The following F8 variants were observed in gnomAD, a reference collection of about 807,000 sequenced individuals.
F8 encodes coagulation factor VIII, also known as antihemophilic factor.
F8 carries 12 observed loss-of-function variants against 140.6 expected under a neutral mutation model. The observed-to-expected ratio is 0.09, with a 90% CI of 0.05 to 0.14. The LOEUF (loss-of-function observed/expected upper bound fraction) is 0.14. Among genes scored for constraint, F8 ranks in the 10% least tolerant of loss-of-function variants. The pLI is 1.00. For synonymous variants in F8, 585 were observed against 614.6 expected (o/e 0.95, Z 0.71); for missense variants, 1,354 against 1,720.7 (o/e 0.79, Z 3.77).
intron 14 of F8, among the ~76,000 whole-genome samples, chrX:154,921,597 C>G (rs2073130947): frequency 9.0e-6 from 1 of 111,463 alleles, no homozygotes; most frequent in Non-Finnish European, 1.9e-5. Flanking sequence ...TATTGCGGCA[C>G]TATTCACAAT....
intron 1 of F8, among the ~76,000 whole-genome samples, chrX:155,018,937 A>C (rs2073747547): frequency 1.8e-5 from 2 of 112,374 alleles, no homozygotes; most frequent in African/African-American, 6.5e-5. Flanking sequence ...TCATTTGATA[A>C]AGCCAACAAA....
intron 4 of F8, among the ~76,000 whole-genome samples, chrX:154,992,297 T>C (rs976672787): frequency 9.0e-6 from 1 of 111,029 alleles, no homozygotes; most frequent in Non-Finnish European, 1.9e-5. Context: ...AAAAGATAAA[T>C]GGAACAAGGA....
intron 21 of F8, 147 bp from the exon 22 acceptor site, chrX:154,896,379 T>C (rs1395529314): frequency 6.9e-6 from 4 of 583,586 alleles, no homozygotes; most frequent in Non-Finnish European, 1.1e-5. Context: ...GTCACCAATG[T>C]TGAAATGTGC....
chrX:154,846,075 T>A (rs1212543128), intron 25 of F8, among the ~76,000 whole-genome samples: 1 of 112,390 alleles, frequency 8.9e-6, no homozygotes, highest in African/African-American at 3.2e-5. Flanking sequence ...AGGAGCAGGT[T>A]GTTCAGTTTC....
Position 154,964,140 on chromosome X carries a change from G to T in F8, c.1443+1830C>A, listed in dbSNP as rs782737858. ...ACATGTATGCACTACTTCTGGAGGG[G>T]AGTATACAAACCCACAGCAATGACT... On this transcript the variant is annotated intron_variant, in intron 9 of 25. Coordinates refer to ENST00000360256, the MANE Select transcript of F8 (RefSeq NM_000132.4). 8.9e-5 allele frequency among the ~76,000 whole-genome samples: 10 copies of T among 111,973 alleles called. No individual in the cohort carries two copies. The East Asian group carries it at 2.5e-3, about 28-fold the overall frequency.
intron 13 of F8, among the ~76,000 whole-genome samples, chrX:154,943,640 A>C (rs1337273969): frequency 1.8e-5 from 2 of 111,630 alleles, no homozygotes; most frequent in African/African-American, 6.5e-5. Flanking sequence ...GCTACCAATG[A>C]CTTTCTTCAC....
intron 14 of F8, among the ~76,000 whole-genome samples, chrX:154,924,830 C>T (rs781805842): frequency 8.9e-6 from 1 of 112,591 alleles, no homozygotes; most frequent in Non-Finnish European, 1.9e-5. Context: ...GGGACTTGTA[C>T]CCTATGAAGC....
At chrX:154,933,933 G>GT (rs1443329448) in intron 13 of F8, among the ~76,000 whole-genome samples, 2 of 111,867 alleles carry the variant, frequency 1.8e-5, no homozygotes. Context: ...CAGTTTGTGT[G>GT]TGTATGGGTT....
At chrX:155,018,432 T>C (rs1396259195) in intron 1 of F8, among the ~76,000 whole-genome samples, 2 of 110,736 alleles carry the variant, frequency 1.8e-5, no homozygotes, top group Admixed American at 1.9e-4. Context: ...AGCAGCACAG[T>C]TAATGAATCA....
intron 1 of F8, among the ~76,000 whole-genome samples, chrX:155,004,946 T>C (rs1211205789): frequency 2.7e-5 from 3 of 111,354 alleles, no homozygotes; most frequent in African/African-American, 9.8e-5. Context: ...TAGTGGGGTG[T>C]GTCCCGAAGT....
chrX:154,917,842 T>G (rs781823121), intron 14 of F8, among the ~76,000 whole-genome samples: 80 of 112,109 alleles, frequency 7.1e-4, no homozygotes, highest in Middle Eastern at 9.1e-3. Flanking sequence ...TGCTTTTTTG[T>G]GTTCTTTGAG....
In F8 at chrX:154,931,415, A is replaced by T; in HGVS notation, c.2375T>A (p.Phe792Tyr). 1 of 1,211,218 alleles carries T rather than the reference A, an allele frequency of 8.3e-7. No homozygotes were observed. ...TTTAGGCATAGGTGTTCTGTGTGCAAACCAAGGGTCAGTCTTCTCTATGTC... is the reference window on the plus strand; with the variant it reads ...TTTAGGCATAGGTGTTCTGTGTGCATACCAAGGGTCAGTCTTCTCTATGTC... ...ENDIEKTDPW[F>Y]AHRTPMPKIQ... is the part of the protein sequence containing the mutation. Residue 792 changes from phenylalanine (F) to tyrosine (Y), a missense_variant, in exon 14 of 26, where the codon TTT becomes TAT. Phe to Tyr is a conservative substitution (Grantham distance 22). Coordinates refer to ENST00000360256, the MANE Select transcript of F8 (RefSeq NM_000132.4).
At position 154,935,808 on chromosome X, in the gene F8, A is replaced by G. The variant is rs781890034; in HGVS notation, c.2114-4132T>C. Among the ~76,000 whole-genome samples, 21 of 112,064 alleles carry G rather than the reference A, an allele frequency of 1.9e-4. No homozygotes were observed. In the South Asian group the frequency reaches 7.7e-3, roughly 41 times the overall value. On this transcript the variant is annotated intron_variant, in intron 13 of 25. Transcript: ENST00000360256. Reference sequence around the variant, plus strand: ...AGGAAAAATAGTTAGAAAACAAACTAGAACAGCATATTCAAGAGCTGTGTG... The same window carrying G: ...AGGAAAAATAGTTAGAAAACAAACTGGAACAGCATATTCAAGAGCTGTGTG...
rs2072481252 is a variant in F8, at chrX:154,837,247, A to G, written c.*350T>C. 4 of 249,042 alleles carry G rather than the reference A, an allele frequency of 1.6e-5. No homozygotes were observed. The highest frequency in any genetic ancestry group is 2.9e-5 in the Non-Finnish European group (4 of 138,230). The allele number at this position is 249,042 out of a possible 1,213,427, so 20.5% of individuals were successfully genotyped here. On this transcript the variant is annotated 3_prime_UTR_variant, in exon 26 of 26. Transcript: ENST00000360256. The stretch of plus-strand genomic sequence containing the variant: ...TCATAAATATCTTTTTCAAAGTTTC[A>G]TCACATAGTTTTTCTACAACAGAGG...
chrX:155,000,312 GAC>G lies in F8; in HGVS notation c.144-714_144-713del, dbSNP rs782565834. ...CCAATGTGAATCTTGGTGAATAAGG[GAC>G]ACTGGCCCCAAGTGAATTGGTAGAA... On this transcript the variant is annotated intron_variant, in intron 1 of 25. Coordinates refer to ENST00000360256, the MANE Select transcript of F8 (RefSeq NM_000132.4). Among the ~76,000 whole-genome samples the G allele has an allele frequency of 4.5e-5, 5 of 111,980 alleles. No homozygotes were observed. In the South Asian group the frequency reaches 1.9e-3, roughly 42 times the overall value.
Position 154,999,613 on chromosome X carries a change from A to C in F8, c.144-13T>G, listed in dbSNP as rs782248521. ...TCTAGGAGGAAATCTGCGTGAAGAAAGGAAAAAGTCGTTCATTTTGGTGGA... is the reference window on the plus strand; with the variant it reads ...TCTAGGAGGAAATCTGCGTGAAGAACGGAAAAAGTCGTTCATTTTGGTGGA... On this transcript the variant is annotated splice_polypyrimidine_tract_variant and intron_variant, in intron 1 of 25. Transcript: ENST00000360256. 5 of 1,199,071 alleles carry C rather than the reference A, an allele frequency of 4.2e-6. No homozygotes were observed. In the Admixed American group the frequency reaches 1.1e-4, roughly 26 times the overall value.
chrX:154,933,758 C>T (rs1463090861), intron 13 of F8, among the ~76,000 whole-genome samples: 1 of 112,175 alleles, frequency 8.9e-6, no homozygotes, highest in Non-Finnish European at 1.9e-5. Flanking sequence ...AATATCTTGC[C>T]ATACTAAAAC....
chrX:154,989,940 T>C (rs1395856281), intron 4 of F8, among the ~76,000 whole-genome samples: 1 of 112,289 alleles, frequency 8.9e-6, no homozygotes, highest in African/African-American at 3.2e-5. Flanking sequence ...CTTTCCCCTA[T>C]TGAATGGTTT....
In F8 at chrX:154,936,362, T is replaced by C. The variant is rs1427492192; in HGVS notation, c.2114-4686A>G. On this transcript the variant is annotated intron_variant, in intron 13 of 25. Transcript: ENST00000360256. The stretch of plus-strand genomic sequence containing the variant: ...AAAAGACACACTGTAAATATAAGGA[T>C]AGAGATAGGTTGAAAAGAAAAGAAT... Among the ~76,000 whole-genome samples the C allele has an allele frequency of 3.5e-4, 39 of 111,260 alleles. No homozygotes were observed. The Admixed American group carries it at 3.7e-3, about 11-fold the overall frequency.
Sources: gnomAD v4.1 joint callset for allele counts (sites outside exome capture counted in the v4.1 genomes callset) on GRCh38, gnomAD v4.1.1 for gene constraint, MANE v1.5 for transcripts, NCBI Gene and HGNC (gene_info 2026-07-23, HGNC 2026-07-21) for gene names.